NRDC: variants seen among roughly 807,000 people sequenced by gnomAD.
The protein encoded by NRDC is nardilysin.
A neutral mutation model predicts 147.1 loss-of-function variants in NRDC; 54 were observed. The observed-to-expected ratio is 0.37, with a 90% CI of 0.29 to 0.46. The LOEUF (loss-of-function observed/expected upper bound fraction) is 0.46. Among genes scored for constraint, NRDC ranks in the 20% least tolerant of loss-of-function variants. NRDC has a pLI of 1.00. For synonymous variants in NRDC, 440 were observed against 482.1 expected (o/e 0.91, Z 1.14); for missense variants, 1,082 against 1,370.6 (o/e 0.79, Z 3.33).
intron 1 of NRDC, among the ~76,000 whole-genome samples, chr1:51,863,677 G>A (rs543501888): frequency 1.3e-5 from 2 of 152,122 alleles, no homozygotes; most frequent in African/African-American, 2.4e-5. Flanking sequence ...TCCATTAACT[G>A]TGCAATTGAG....
At chr1:51,820,674 A>T (rs1680171186) in intron 8 of NRDC, among the ~76,000 whole-genome samples, 1 of 152,200 alleles carries the variant, frequency 6.6e-6, no homozygotes. Context: ...AAGCCAAATT[A>T]ATAATAACCA....
chr1:51,812,192 A>T (rs1679755031), intron 14 of NRDC, 94 bp from the exon 15 acceptor site: 5 of 864,090 alleles, frequency 5.8e-6, no homozygotes, highest in African/African-American at 1.7e-5. Context: ...TCTTATTAAC[A>T]ATAAAACCAA....
chr1:51,870,960 C>T (rs1268254684), intron 1 of NRDC, among the ~76,000 whole-genome samples: 1 of 151,896 alleles, frequency 6.6e-6, no homozygotes, highest in Admixed American at 6.6e-5. Context: ...CTGTTTTTAT[C>T]CTAAAATCTC....
At chr1:51,803,728 C>A in intron 20 of NRDC, 86 bp downstream of exon 20, 4 of 1,051,208 alleles carry the variant, frequency 3.8e-6, no homozygotes, top group Non-Finnish European at 5.5e-6. Context: ...ACATTTATTT[C>A]TCTATACAGC....
At chr1:51,833,986 T>C (rs1209771837) in intron 4 of NRDC, 31 bp downstream of exon 4, 2 of 1,590,644 alleles carry the variant, frequency 1.3e-6, no homozygotes, top group Non-Finnish European at 1.7e-6. Flanking sequence ...CATTAGATCA[T>C]TAAAATTAAA....
At chr1:51,829,968 T>TC (rs1680631900) in intron 4 of NRDC, among the ~76,000 whole-genome samples, 1 of 146,444 alleles carries the variant, frequency 6.8e-6, no homozygotes. Flanking sequence ...TTTATTTCTT[T>TC]TTTTTTTTTT....
intron 4 of NRDC, among the ~76,000 whole-genome samples, chr1:51,829,965 C>CTTTTTTTTTTTTTT (rs941972546): frequency 7.6e-6 from 1 of 131,276 alleles, no homozygotes; most frequent in Non-Finnish European, 1.6e-5. Context: ...TCTTTTATTT[C>CTTTTTTTTTTTTTT]TTTTTTTTTT....
chr1:51,845,215 TTGC>T (rs1352497030), intron 1 of NRDC, among the ~76,000 whole-genome samples: 1 of 152,234 alleles, frequency 6.6e-6, no homozygotes, highest in Non-Finnish European at 1.5e-5. Context: ...GCCTTCGTGC[TTGC>T]TGTTCTGTTG....
At chr1:51,790,464 G>T in intron 29 of NRDC, 69 bp downstream of exon 29, 1 of 937,838 alleles carries the variant, frequency 1.1e-6, no homozygotes. Flanking sequence ...GGTGTGCACA[G>T]ACCTGTGATG....
rs772242102 is a variant in NRDC at position 51,800,642 on chromosome 1, A to C, written c.2355T>G (p.Asn785Lys). 9 of 1,613,942 alleles carry C rather than the reference A, an allele frequency of 5.6e-6. No individual in the cohort carries two copies. The highest frequency in any genetic ancestry group is 5.9e-6 in the Non-Finnish European group (7 of 1,179,806). ...TCATTGTAAAGACAGCTGGTGTGGA[A>C]TTGAACTCAGCTAAGTAGTCAATAA... ...QLIIDYLAEFNSTPAVFTMIT... is the reference protein window; with the variant it reads ...QLIIDYLAEFKSTPAVFTMIT... Residue 785 changes from asparagine to lysine, a missense_variant, in exon 21 of 31, where the codon AAT (asparagine) becomes AAG (lysine). Asn to Lys is a moderately conservative substitution (Grantham distance 94, BLOSUM62 0). Around this residue, in one of 3 missense-constraint regions of NRDC, gnomAD observed 635 missense variants for 923.8 expected, o/e 0.69. Coordinates refer to ENST00000352171, the MANE Select transcript of NRDC (RefSeq NM_001101662.2).
At position 51,814,556 on chromosome 1, in the gene NRDC, T is replaced by A; in HGVS notation, c.1614A>T (p.Glu538Asp). Reference sequence around the variant, plus strand: ...TTCCAGGAAGTGTTTATTACCTTTTTTCTGGGCCTAGCTTCTGCAGCATTT... The same window carrying A: ...TTCCAGGAAGTGTTTATTACCTTTTATCTGGGCCTAGCTTCTGCAGCATTT... ...YLKMLQKLGPEKRIFEEIRKI... is the reference protein window; with the variant it reads ...YLKMLQKLGPDKRIFEEIRKI... The change falls in exon 13 of 31, where the codon GAA becomes GAT. Residue 538 changes from glutamate to aspartate, a missense_variant. Physicochemically the swap from Glu to Asp is conservative, Grantham distance 45. Transcript: ENST00000352171. The A allele has an allele frequency of 6.2e-7, 1 of 1,613,580 alleles. No homozygotes were observed.
At chr1:51,854,975 G>A (rs1183348672) in intron 1 of NRDC, among the ~76,000 whole-genome samples, 3 of 152,152 alleles carry the variant, frequency 2.0e-5, no homozygotes, top group Non-Finnish European at 4.4e-5. Flanking sequence ...GAGGGGCCTG[G>A]AGAAGGTTAT....
intron 4 of NRDC, among the ~76,000 whole-genome samples, chr1:51,830,572 C>A (rs1330716262): frequency 6.6e-6 from 1 of 152,210 alleles, no homozygotes; most frequent in Non-Finnish European, 1.5e-5. Context: ...CCAGAATACT[C>A]AGGCACTTGG....
intron 4 of NRDC, among the ~76,000 whole-genome samples, chr1:51,833,042 A>C (rs1226568214): frequency 1.3e-5 from 2 of 152,246 alleles, no homozygotes; most frequent in Non-Finnish European, 2.9e-5. Flanking sequence ...TATGATCGGT[A>C]TACTTTAAAA....
In NRDC at chr1:51,806,864, T is replaced by A; in HGVS notation, c.2040A>T (p.Pro680=). The A allele has an allele frequency of 1.2e-5, 19 of 1,614,048 alleles. No homozygotes were observed. Among genetic ancestry groups the A allele is most frequent in the Non-Finnish European group, 1.6e-5 (19 of 1,179,902 alleles). Residue 680 remains proline (P), a synonymous_variant, in exon 18 of 31, where the codon CCA becomes CCT. Coordinates refer to ENST00000352171, the MANE Select transcript of NRDC (RefSeq NM_001101662.2). ...CTTGTGGAGTATTCACAATTTTAACTGGGTATTCTGTTTCCGGGCAATCGA... is the reference window on the plus strand; with the variant it reads ...CTTGTGGAGTATTCACAATTTTAACAGGGTATTCTGTTTCCGGGCAATCGA... ...KAFDCPETEY[P]VKIVNTPQGC... is the part of the protein sequence containing the mutation.
intron 7 of NRDC, among the ~76,000 whole-genome samples, chr1:51,823,132 T>C (rs1680280287): frequency 6.6e-6 from 1 of 152,020 alleles, no homozygotes; most frequent in South Asian, 2.1e-4. Context: ...AGAAGGAAAA[T>C]AGAGATATTC....
chr1:51,860,472 T>C (rs536686910), intron 1 of NRDC, among the ~76,000 whole-genome samples: 8 of 152,340 alleles, frequency 5.3e-5, no homozygotes, highest in East Asian at 1.9e-4. Flanking sequence ...TAGCTCATTA[T>C]AGAGACTGCC....
In NRDC at chr1:51,811,720, C is replaced by T. The variant is rs906916615; in HGVS notation, c.1779+274G>A. 1.1e-4 allele frequency among the ~76,000 whole-genome samples: 17 copies of T among 152,304 alleles called. No homozygotes were observed. In the South Asian group the frequency reaches 2.3e-3, roughly 20 times the overall value. On this transcript the variant is annotated intron_variant, in intron 15 of 30. Coordinates refer to ENST00000352171, the MANE Select transcript of NRDC (RefSeq NM_001101662.2). ...ACCACATAATTCTTAGGAATCACTT[C>T]ATCTATTGCAGTAGATGTTTCAACA...
intron 1 of NRDC, among the ~76,000 whole-genome samples, chr1:51,861,496 TTTA>T (rs944766974): frequency 2.7e-5 from 4 of 147,032 alleles, no homozygotes; most frequent in African/African-American, 1.0e-4. Context: ...GGCCTGGCTT[TTTA>T]TTATTATTAT....
Sources: gnomAD v4.1 joint callset for allele counts (sites outside exome capture counted in the v4.1 genomes callset) on GRCh38, gnomAD v4.1.1 for gene constraint, gnomAD v4.1.1 regional missense constraint, MANE v1.5 for transcripts, NCBI Gene and HGNC (gene_info 2026-07-23, HGNC 2026-07-21) for gene names.